CPD: variants seen among roughly 807,000 people sequenced by gnomAD.
CPD encodes the protein metallocarboxypeptidase D.
Under a neutral mutation model 138.3 loss-of-function variants are expected in CPD, and 69 were observed. The ratio of observed to expected loss-of-function variants is 0.50; its 90% CI spans 0.41 to 0.61. The LOEUF (loss-of-function observed/expected upper bound fraction) is 0.61. CPD is among the 20% of genes least tolerant of loss of function. The pLI, the probability that CPD is intolerant of heterozygous loss-of-function variation, is 0.00. For missense variants in CPD, 1,432 were observed against 1,733.3 expected, an observed-to-expected ratio of 0.83 and a Z score of 3.09; for synonymous variants, 651 against 642.1, an observed-to-expected ratio of 1.01 and a Z score of -0.21.
Position 30,443,870 on chromosome 17 carries a change from T to C in CPD, c.2442T>C (p.Ile814=). 1 of 1,613,988 alleles carries C rather than the reference T, an allele frequency of 6.2e-7. No individual in the cohort carries two copies. Among genetic ancestry groups the C allele is most frequent in the Non-Finnish European group, 8.5e-7 (1 of 1,179,878 alleles). ...TDGRGILNAT[I]SVAEINHPVT... ...GCAGGGGTATATTAAATGCCACCATTAGTGTTGCTGAGATTAATCACCCAG... is the reference window on the plus strand; with the variant it reads ...GCAGGGGTATATTAAATGCCACCATCAGTGTTGCTGAGATTAATCACCCAG... The change falls in exon 11 of 21, where the codon ATT becomes ATC. Residue 814 remains isoleucine, a synonymous_variant. Coordinates refer to ENST00000225719, the MANE Select transcript of CPD (RefSeq NM_001304.5).
At chr17:30,420,775 C>A in intron 2 of CPD, 66 bp from the exon 3 acceptor site, 1 of 1,414,500 alleles carries the variant, frequency 7.1e-7, no homozygotes, top group Non-Finnish European at 9.7e-7. Flanking sequence ...GATTTAATTT[C>A]TTCAGTCTTT....
intron 2 of CPD, among the ~76,000 whole-genome samples, chr17:30,411,146 G>T (rs1347236012): frequency 6.6e-6 from 1 of 152,160 alleles, no homozygotes; most frequent in Admixed American, 6.5e-5. Flanking sequence ...TGAAATTCTG[G>T]ATTGAAAATT....
intron 2 of CPD, among the ~76,000 whole-genome samples, chr17:30,418,817 A>G (rs1912186833): frequency 6.6e-6 from 1 of 152,206 alleles, no homozygotes. Context: ...TGTCACAAGT[A>G]TCCTTGTGAT....
intron 2 of CPD, among the ~76,000 whole-genome samples, chr17:30,394,901 A>ATGTGTGTGTGTGTGTGTGTG (rs113868957): frequency 1.3e-5 from 2 of 148,332 alleles, no homozygotes; most frequent in African/African-American, 5.0e-5. Flanking sequence ...GCATGTGTGT[A>ATGTGTGTGTGTGTGTGTGTG]TGTGTGTGTG....
chr17:30,451,941 T>C, intron 14 of CPD, 95 bp downstream of exon 14: 3 of 1,182,432 alleles, frequency 2.5e-6, no homozygotes, highest in Non-Finnish European at 3.5e-6. Flanking sequence ...AATAATGGAG[T>C]ACTTTCTTGT....
intron 2 of CPD, among the ~76,000 whole-genome samples, chr17:30,387,140 G>A (rs774241404): frequency 9.2e-5 from 14 of 152,220 alleles, no homozygotes; most frequent in Admixed American, 3.3e-4. Context: ...GTTTTCAGAT[G>A]GAATTTCACT....
In CPD at chr17:30,421,725, C is replaced by T; in HGVS notation, c.1199C>T (p.Ala400Val). The T allele has an allele frequency of 6.2e-7, 1 of 1,613,274 alleles. No homozygotes were observed. Among genetic ancestry groups the T allele is most frequent in the Non-Finnish European group, 8.5e-7 (1 of 1,179,308 alleles). The change falls in exon 4 of 21, where the codon GCA (alanine) becomes GTA (valine). Residue 400 changes from alanine (A) to valine (V), a missense_variant. Physicochemically the swap from Ala to Val is moderately conservative, Grantham distance 64. Around this residue, in one of 6 missense-constraint regions of CPD, gnomAD observed 160 missense variants for 197.9 expected, o/e 0.81. Transcript: ENST00000225719. ...ATAACAGGATCTGGGTTAGAGAATG[C>T]AACCATCTCAGTGGCTGGTATTAAT... Reference protein sequence around the residue: ...DSITGSGLENATISVAGINHN... With the variant: ...DSITGSGLENVTISVAGINHN...
chr17:30,386,296 T>G (rs1597704516), intron 2 of CPD, among the ~76,000 whole-genome samples: 1 of 152,288 alleles, frequency 6.6e-6, no homozygotes, highest in East Asian at 1.9e-4. Context: ...CCCAAAGTGC[T>G]GGGATTATAG....
At position 30,421,904 on chromosome 17, in the gene CPD, T is replaced by C. The variant is rs529486405; in HGVS notation, c.1307+71T>C. On this transcript the variant is annotated intron_variant, in intron 4 of 20. Transcript: ENST00000225719. ...CTGTTTTATATCTGAGACAGAAATA[T>C]AGTCTAGTACATGTTGTTTATTTTT... is the stretch of plus-strand genomic sequence containing the variant. 65 of 1,172,746 alleles carry C rather than the reference T, an allele frequency of 5.5e-5. No individual in the cohort carries two copies. The Admixed American group carries it at 7.2e-4, about 13-fold the overall frequency. 72.6% of individuals were successfully genotyped at this position (1,172,746 alleles called of 1,614,324 possible).
chr17:30,384,162 T>C (rs1381197516), intron 1 of CPD, among the ~76,000 whole-genome samples: 1 of 152,204 alleles, frequency 6.6e-6, no homozygotes, highest in African/African-American at 2.4e-5. Context: ...GGAGGACTAG[T>C]CTTTGACATG....
Position 30,379,585 on chromosome 17 carries a change from C to G in CPD, c.605C>G (p.Pro202Arg). ...GACTGTGGCTTCGGCGACGGCGGCC[C>G]GTCCGGGGCCAGCGGCCGCGACAAT... ...EGDCGFGDGG[P>R]SGASGRDNSR... Residue 202 changes from proline to arginine, a missense_variant, in exon 1 of 21, where the codon CCG (proline) becomes CGG (arginine). By Grantham distance (103) the Pro-to-Arg change is moderately radical. Transcript: ENST00000225719. The surrounding 1 kb of genome is among the most constrained non-coding windows in gnomAD (Gnocchi z 7.0). 2.0e-6 allele frequency: 3 copies of G among 1,501,144 alleles called. No individual in the cohort carries two copies. Among genetic ancestry groups the G allele is most frequent in the Non-Finnish European group, 1.8e-6 (2 of 1,138,808 alleles). 93.0% of individuals were successfully genotyped at this position (1,501,144 alleles called of 1,614,324 possible).
At chr17:30,418,692 G>A (rs1317289395) in intron 2 of CPD, among the ~76,000 whole-genome samples, 1 of 152,106 alleles carries the variant, frequency 6.6e-6, no homozygotes, top group Admixed American at 6.5e-5. Flanking sequence ...ATTATTTATG[G>A]ATGTAGTTGT....
intron 1 of CPD, among the ~76,000 whole-genome samples, chr17:30,380,887 A>G (rs1274685947): frequency 6.6e-6 from 1 of 152,220 alleles, no homozygotes; most frequent in Non-Finnish European, 1.5e-5. Flanking sequence ...CCATTTTTGT[A>G]TCTTCATAAG....
Position 30,444,004 on chromosome 17 carries a change from C to T in CPD, c.2543+33C>T, listed in dbSNP as rs200716606. 1,129 of 1,606,150 alleles carry T rather than the reference C, an allele frequency of 7.0e-4. 8 individuals carry two copies. The highest frequency in any genetic ancestry group is 6.6e-4 in the Middle Eastern group (4 of 6,024). ...ACTGAATGCTTTGAAATAGAGTGCT[C>T]GGAGGACAAACATGGCTCCATTCTG... On this transcript the variant is annotated intron_variant, in intron 11 of 20. Coordinates refer to ENST00000225719, the MANE Select transcript of CPD (RefSeq NM_001304.5).
chr17:30,410,069 T>C (rs1911921385), intron 2 of CPD, among the ~76,000 whole-genome samples: 1 of 152,240 alleles, frequency 6.6e-6, no homozygotes, highest in Non-Finnish European at 1.5e-5. Context: ...TTTGATCTCA[T>C]TGGTTTCAAA....
At chr17:30,462,124 A>T in intron 19 of CPD, 62 bp downstream of exon 19, 1 of 1,402,398 alleles carries the variant, frequency 7.1e-7, no homozygotes, top group African/African-American at 1.5e-5. Context: ...CTTCTGTTTT[A>T]TTTTGAAACT....
In CPD at chr17:30,427,483, A is replaced by G. The variant is rs752051733; in HGVS notation, c.1942A>G (p.Thr648Ala). Reference protein sequence around the residue: ...PDQFVQITDPTQPETIAVMSW... With the variant: ...PDQFVQITDPAQPETIAVMSW... ...CCAGTTTGTTCAGATCACAGATCCT[A>G]CGCAACCAGAAACTATTGCTGTAAT... Residue 648 changes from threonine (T) to alanine (A), a missense_variant, in exon 7 of 21, where the codon ACG (threonine) becomes GCG (alanine). Coordinates refer to ENST00000225719, the MANE Select transcript of CPD (RefSeq NM_001304.5). 2.5e-6 allele frequency: 4 copies of G among 1,614,148 alleles called. No homozygotes were observed. The highest frequency in any genetic ancestry group is 3.3e-5 in the Admixed American group (2 of 60,020).
intron 1 of CPD, among the ~76,000 whole-genome samples, chr17:30,382,961 G>T (rs1911087879): frequency 6.6e-6 from 1 of 152,162 alleles, no homozygotes; most frequent in South Asian, 2.1e-4. Flanking sequence ...TTGCCGAATG[G>T]ATTACCTGAC....
At position 30,468,667 on chromosome 17, in the gene CPD, AGTT is replaced by A. The variant is rs1338917149; in HGVS notation, c.*3854_*3856del. The A allele has an allele frequency of 6.6e-6, 1 of 152,586 alleles. No homozygotes were observed. The highest frequency in any genetic ancestry group is 2.4e-5 in the African/African-American group (1 of 41,442). 9.5% of individuals were successfully genotyped at this position (152,586 alleles called of 1,614,324 possible). Reference sequence around the variant, plus strand: ...AACAGATCTACTAATCCTGTATAAAAGTTATTTTACGATGTTTGTCTTTCTTTG... The same window carrying A: ...AACAGATCTACTAATCCTGTATAAAAATTTTACGATGTTTGTCTTTCTTTG... On this transcript the variant is annotated 3_prime_UTR_variant, in exon 21 of 21. Coordinates refer to ENST00000225719, the MANE Select transcript of CPD (RefSeq NM_001304.5).
Sources: allele counts gnomAD v4.1 joint callset (sites outside exome capture counted in the v4.1 genomes callset), GRCh38; gene constraint gnomAD v4.1.1; regional missense constraint gnomAD v4.1.1; non-coding constraint Gnocchi (gnomAD v3.1); transcripts MANE v1.5; gene names NCBI Gene and HGNC (gene_info 2026-07-23, HGNC 2026-07-21).